SOX6: variants seen among roughly 807,000 people sequenced by gnomAD.
The protein encoded by SOX6 is SRY-box transcription factor 6.
In SOX6, 11 loss-of-function variants were observed where a neutral mutation model predicts 97.8. The ratio of observed to expected loss-of-function variants is 0.11; its 90% CI spans 0.07 to 0.19. The LOEUF (loss-of-function observed/expected upper bound fraction) is 0.19, where lower values mean the gene tolerates loss of function less well. Ranked by LOEUF, SOX6 falls within the 10% of genes least tolerant of loss-of-function variation. The pLI, the probability that SOX6 is intolerant of heterozygous loss-of-function variation, is 1.00. For missense variants in SOX6, 810 were observed against 1,039.5 expected, an observed-to-expected ratio of 0.78 and a Z score of 3.04; for synonymous variants, 360 against 371.4, an observed-to-expected ratio of 0.97 and a Z score of 0.35.
chr11:16,316,869 A>C (rs557471267), intron 3 of SOX6: 4 of 152,216 alleles, frequency 2.6e-5, no homozygotes, highest in South Asian at 4.1e-4. Flanking sequence ...AAGTGTCAGC[A>C]TGTAGTTCAT....
At chr11:16,082,446 G>A (rs1848491739) in intron 9 of SOX6, among the ~76,000 whole-genome samples, 1 of 152,270 alleles carries the variant, frequency 6.6e-6, no homozygotes, top group African/African-American at 2.4e-5. Flanking sequence ...TTATTTGGTT[G>A]AAATACAGTA....
intron 3 of SOX6, among the ~76,000 whole-genome samples, chr11:16,267,089 A>G (rs1487153318): frequency 2.0e-5 from 3 of 151,662 alleles, no homozygotes; most frequent in African/African-American, 7.2e-5. Flanking sequence ...TAAAACTCCT[A>G]GAAGAAAACA....
At chr11:16,470,183 G>A (rs187911670) in intron 1 of SOX6, among the ~76,000 whole-genome samples, 2 of 152,204 alleles carry the variant, frequency 1.3e-5, no homozygotes, top group East Asian at 1.9e-4. Context: ...ATGCTTTCAT[G>A]GGGCAGCTCC....
intron 13 of SOX6, among the ~76,000 whole-genome samples, chr11:16,002,068 T>C (rs1480665064): frequency 6.6e-6 from 1 of 152,176 alleles, no homozygotes; most frequent in Non-Finnish European, 1.5e-5. Context: ...ACAAACTATG[T>C]TTAGATTAGC....
chr11:15,990,159 T>A (rs749699228), intron 13 of SOX6, among the ~76,000 whole-genome samples: 2 of 151,984 alleles, frequency 1.3e-5, no homozygotes, highest in Non-Finnish European at 2.9e-5. Flanking sequence ...ACTATCTCCC[T>A]CCTTTCCACT....
At chr11:16,423,712 T>C (rs990146121) in intron 1 of SOX6, among the ~76,000 whole-genome samples, 3 of 152,064 alleles carry the variant, frequency 2.0e-5, no homozygotes, top group African/African-American at 4.8e-5. Context: ...GGTAAAAATA[T>C]AGAGTTAAAC....
At chr11:16,137,870 G>T (rs561561593) in intron 6 of SOX6, among the ~76,000 whole-genome samples, 1 of 152,088 alleles carries the variant, frequency 6.6e-6, no homozygotes, top group Admixed American at 6.6e-5. Context: ...TTCCCCCTTC[G>T]CTGGGCACTC....
At chr11:16,552,110 C>T (rs1419878324) in intron 4 of SOX6, among the ~76,000 whole-genome samples, 1 of 151,838 alleles carries the variant, frequency 6.6e-6, no homozygotes, top group East Asian at 1.9e-4. Flanking sequence ...CAGACAACCA[C>T]TATAGTAATG....
At chr11:16,535,539 G>A (rs1343081815) in intron 4 of SOX6, among the ~76,000 whole-genome samples, 1 of 152,126 alleles carries the variant, frequency 6.6e-6, no homozygotes, top group Admixed American at 6.5e-5. Flanking sequence ...GGGAACTGTG[G>A]CCCATGCCTG....
At chr11:15,985,239 C>A (rs1853796132) in intron 15 of SOX6, among the ~76,000 whole-genome samples, 1 of 152,218 alleles carries the variant, frequency 6.6e-6, no homozygotes. Flanking sequence ...TAGCTCTTGG[C>A]TTCTCCTTTA....
At chr11:16,057,459 G>A (rs569402073) in intron 9 of SOX6, among the ~76,000 whole-genome samples, 19 of 152,156 alleles carry the variant, frequency 1.2e-4, no homozygotes, top group African/African-American at 4.3e-4. Context: ...TCTACCCAAC[G>A]TAATTGAATA....
chr11:16,404,974 A>T (rs1281175159), intron 1 of SOX6, among the ~76,000 whole-genome samples: 2 of 151,968 alleles, frequency 1.3e-5, no homozygotes, highest in African/African-American at 2.4e-5. Flanking sequence ...AGCATTTCTT[A>T]TTTAATTAAA....
At chr11:16,648,062 A>T (rs978297776) in intron 3 of SOX6, among the ~76,000 whole-genome samples, 32 of 152,250 alleles carry the variant, frequency 2.1e-4, no homozygotes, top group Middle Eastern at 6.8e-3. Context: ...GAGTGAGTGC[A>T]GGAGTGTAGG....
chr11:16,453,248 A>G (rs902093284), intron 1 of SOX6, among the ~76,000 whole-genome samples: 2 of 152,128 alleles, frequency 1.3e-5, no homozygotes, highest in South Asian at 4.1e-4. Context: ...AACTAGGGGG[A>G]AAATGGGACT....
chr11:16,512,885 A>G (rs1860902181), intron 4 of SOX6, among the ~76,000 whole-genome samples: 2 of 152,222 alleles, frequency 1.3e-5, no homozygotes, highest in Admixed American at 1.3e-4. Context: ...CTGCCTGAGT[A>G]ATCAGGGTCC....
intron 3 of SOX6, among the ~76,000 whole-genome samples, chr11:16,685,065 A>G (rs761213071): frequency 2.5e-4 from 38 of 152,120 alleles, no homozygotes; most frequent in Non-Finnish European, 4.1e-4. Flanking sequence ...ATCTGCCCCC[A>G]TGACCCAAAC....
chr11:16,598,929 G>A (rs897919630), intron 4 of SOX6, among the ~76,000 whole-genome samples: 3 of 152,078 alleles, frequency 2.0e-5, no homozygotes, highest in South Asian at 2.1e-4. Context: ...AAGGGTTATC[G>A]TGGGAGATTT....
intron 4 of SOX6, among the ~76,000 whole-genome samples, chr11:16,562,155 C>T (rs1366807712): frequency 2.0e-5 from 3 of 152,212 alleles, no homozygotes; most frequent in African/African-American, 7.2e-5. Context: ...ATGAAGACTT[C>T]CAATTCCGGG....
intron 4 of SOX6, among the ~76,000 whole-genome samples, chr11:16,510,006 A>T (rs1860852107): frequency 6.6e-6 from 1 of 152,032 alleles, no homozygotes; most frequent in Non-Finnish European, 1.5e-5. Flanking sequence ...AGTTAATCTT[A>T]TATCTGTCTT....
Sources: allele counts gnomAD v4.1 joint callset (sites outside exome capture counted in the v4.1 genomes callset), GRCh38; gene constraint gnomAD v4.1.1; transcripts MANE v1.5; gene names NCBI Gene and HGNC (gene_info 2026-07-23, HGNC 2026-07-21).